Variants in PSMD7 observed in about 807,000 individuals in gnomAD.
PSMD7 encodes the protein 26S proteasome non-ATPase regulatory subunit 7.
A neutral mutation model predicts 36.4 loss-of-function variants in PSMD7; 13 were observed. The ratio of observed to expected loss-of-function variants is 0.36; its 90% confidence interval spans 0.23 to 0.57. The LOEUF (loss-of-function observed/expected upper bound fraction) is 0.57, where lower values mean the gene tolerates loss of function less well. Among genes scored for constraint, PSMD7 ranks in the 20% least tolerant of loss-of-function variants. The probability of loss-of-function intolerance (pLI) is 0.83; values close to 1 mark genes in which losing one functional copy is unlikely to be tolerated. For synonymous variants in PSMD7, 186 were observed against 151.0 expected (o/e 1.23, Z -1.70); for missense variants, 298 against 393.6 (o/e 0.76, Z 2.06).
In PSMD7 at chr16:74,301,865, C is replaced by T. The variant is rs143825830; in HGVS notation, c.357+213C>T. ...TGCTAAGTACCAGGTGTATGAGTTT[C>T]GTAATCCTCTCGGTAACTGTATATC... is the stretch of plus-strand genomic sequence containing the variant. On this transcript the variant is annotated intron_variant, in intron 4 of 6. Coordinates refer to ENST00000219313, the MANE Select transcript of PSMD7 (RefSeq NM_002811.5). Among the ~76,000 whole-genome samples the T allele has an allele frequency of 4.2e-3, 644 of 152,072 alleles. 5 individuals are homozygous for T. The highest frequency in any genetic ancestry group is 0.015 in the African/African-American group (611 of 41,460).
chr16:74,299,680 C>G, intron 1 of PSMD7: 1 of 401,404 alleles, frequency 2.5e-6, no homozygotes, highest in Non-Finnish European at 5.2e-6. Context: ...AGGCATGAGC[C>G]ACTGCATCCG....
rs149640570 is a variant in PSMD7 at position 74,302,253 on chromosome 16, G to C, written c.399G>C (p.Leu133=). The C allele has an allele frequency of 1.8e-5, 29 of 1,614,088 alleles. No individual in the cohort carries two copies. In the Middle Eastern group the frequency reaches 9.9e-4, roughly 55 times the overall value. ...IIDVKPKDLG[L]PTEAYISVEE... is the part of the protein sequence containing the mutation. ...ATGTGAAGCCGAAGGACCTAGGGCTGCCTACAGAAGCGTACATTTCAGTGG... is the reference window on the plus strand; with the variant it reads ...ATGTGAAGCCGAAGGACCTAGGGCTCCCTACAGAAGCGTACATTTCAGTGG... The change falls in exon 5 of 7, where the codon CTG becomes CTC. Residue 133 remains leucine, a synonymous_variant. Coordinates refer to ENST00000219313, the MANE Select transcript of PSMD7 (RefSeq NM_002811.5).
chr16:74,299,854 G>A (rs1473123165), intron 1 of PSMD7: 1 of 525,824 alleles, frequency 1.9e-6, no homozygotes. Flanking sequence ...TTAAATTTCT[G>A]TGAAGTTTGA....
At chr16:74,301,306 T>G (rs17336700) in intron 3 of PSMD7, among the ~76,000 whole-genome samples, 162 bp downstream of exon 3, 1 of 151,872 alleles carries the variant, frequency 6.6e-6, no homozygotes, top group Admixed American at 6.6e-5. Flanking sequence ...AAAACTAGAG[T>G]AGCAATTTAA....
At position 74,300,972 on chromosome 16, in the gene PSMD7, T is replaced by C. The variant is rs189790319; in HGVS notation, c.167-80T>C. 22 of 766,424 alleles carry C rather than the reference T, an allele frequency of 2.9e-5. 1 individual carries two copies. Among genetic ancestry groups the C allele is most frequent in the African/African-American group, 2.9e-4 (16 of 56,128 alleles). 47.5% of individuals were successfully genotyped at this position (766,424 alleles called of 1,614,324 possible). On this transcript the variant is annotated intron_variant, in intron 2 of 6. Coordinates refer to ENST00000219313, the MANE Select transcript of PSMD7 (RefSeq NM_002811.5). ...GTGAAACACGTAAGTGAATCAGAAC[T>C]GGCCTAGGGGTCTTCAATTGTGACC...
intron 5 of PSMD7, among the ~76,000 whole-genome samples, 194 bp downstream of exon 5, chr16:74,302,486 C>T (rs560117681): frequency 1.3e-5 from 2 of 152,200 alleles, no homozygotes; most frequent in East Asian, 3.9e-4. Context: ...CAACCAGGCA[C>T]AGTGGCTCAC....
chr16:74,304,034 T>A, intron 5 of PSMD7: 1 of 327,098 alleles, frequency 3.1e-6, no homozygotes, highest in South Asian at 3.9e-5. Context: ...TCCCTGTGCG[T>A]TCATGCCAAG....
intron 6 of PSMD7, 42 bp from the exon 7 acceptor site, chr16:74,305,247 C>T: frequency 6.4e-7 from 1 of 1,560,128 alleles, no homozygotes; most frequent in Middle Eastern, 1.7e-4. Context: ...ACATGGTACC[C>T]TGATGCCTTT....
chr16:74,303,575 A>T (rs945599966), intron 5 of PSMD7, among the ~76,000 whole-genome samples: 1 of 152,156 alleles, frequency 6.6e-6, no homozygotes, highest in African/African-American at 2.4e-5. Flanking sequence ...AATTCAGACC[A>T]CCAGAAAGCC....
intron 6 of PSMD7, chr16:74,304,855 T>G (rs2034183086): frequency 1.2e-5 from 2 of 170,426 alleles, no homozygotes; most frequent in Non-Finnish European, 2.5e-5. Flanking sequence ...TTCCTTCTAG[T>G]TCTAAAAATT....
intron 1 of PSMD7, chr16:74,299,617 C>T (rs2034140466): frequency 2.2e-6 from 1 of 452,108 alleles, no homozygotes; most frequent in Non-Finnish European, 4.4e-6. Context: ...TCGTCTCAAA[C>T]TCCTGAGCTC....
chr16:74,299,583 C>T (rs781593348), intron 1 of PSMD7: 1 of 455,004 alleles, frequency 2.2e-6, no homozygotes, highest in South Asian at 1.6e-5. Context: ...CAGGGTTTCG[C>T]CATGTTGCCC....
At chr16:74,303,954 T>C (rs993389970) in intron 5 of PSMD7, 1 of 161,456 alleles carries the variant, frequency 6.2e-6, no homozygotes, top group Non-Finnish European at 1.4e-5. Flanking sequence ...ATTCTTGGCG[T>C]ACCAAAGTGC....
intron 1 of PSMD7, among the ~76,000 whole-genome samples, chr16:74,298,612 T>C (rs1265297659): frequency 6.6e-6 from 1 of 152,068 alleles, no homozygotes; most frequent in East Asian, 1.9e-4. Context: ...CCTATAATCC[T>C]AGCACTTTCG....
At chr16:74,300,015 A>C in intron 1 of PSMD7, 100 bp from the exon 2 acceptor site, 1 of 1,059,780 alleles carries the variant, frequency 9.4e-7, no homozygotes, top group Non-Finnish European at 1.5e-6. Flanking sequence ...GGTAAACTAA[A>C]TTGTATCTGT....
intron 1 of PSMD7, among the ~76,000 whole-genome samples, chr16:74,297,990 C>T (rs1407144209): frequency 3.9e-5 from 6 of 151,934 alleles, no homozygotes; most frequent in African/African-American, 1.2e-4. Flanking sequence ...GATGAGGTTT[C>T]AGTTTTTATT....
At chr16:74,297,310 G>T (rs1411850754) in intron 1 of PSMD7, among the ~76,000 whole-genome samples, 1 of 152,186 alleles carries the variant, frequency 6.6e-6, no homozygotes, top group Non-Finnish European at 1.5e-5. Context: ...CGGGAGATGC[G>T]GCTAGCTTTA....
rs1420417825 is a variant in PSMD7 at position 74,306,164 on chromosome 16, TTC to T, written c.*433_*434del. The T allele has an allele frequency of 6.5e-6, 1 of 153,842 alleles. No homozygotes were observed. Among genetic ancestry groups the T allele is most frequent in the Admixed American group, 6.5e-5 (1 of 15,364 alleles). The allele number at this position is 153,842 out of a possible 1,614,324, so 9.5% of individuals were successfully genotyped here. A position where few individuals can be genotyped will look rare whatever the true frequency, so the allele number is the denominator to read the frequency against. On this transcript the variant is annotated 3_prime_UTR_variant, in exon 7 of 7. Transcript: ENST00000219313. Reference sequence around the variant, plus strand: ...CTGGTAACACGTAGAGTTCAGACCCTTCTGAACTCTGTTGATAATACCACACC... The same window carrying T: ...CTGGTAACACGTAGAGTTCAGACCCTTGAACTCTGTTGATAATACCACACC...
In PSMD7 at chr16:74,305,326, C is replaced by A. The variant is rs778143399; in HGVS notation, c.568C>A (p.Arg190=). Residue 190 remains arginine, a synonymous_variant, in exon 7 of 7, where the codon CGG becomes AGG. Coordinates refer to ENST00000219313, the MANE Select transcript of PSMD7 (RefSeq NM_002811.5). ...KDTTVGTLSQ[R]ITNQVHGLKG... ...CACGACGGTGGGCACTCTGTCCCAG[C>A]GGATCACAAACCAGGTCCATGGTTT... 1 of 1,613,452 alleles carries A rather than the reference C, an allele frequency of 6.2e-7. No homozygotes were observed. The highest frequency in any genetic ancestry group is 8.5e-7 in the Non-Finnish European group (1 of 1,179,810).
Sources: gnomAD v4.1 joint callset for allele counts (sites outside exome capture counted in the v4.1 genomes callset) on GRCh38, gnomAD v4.1.1 for gene constraint, MANE v1.5 for transcripts, NCBI Gene and HGNC (gene_info 2026-07-23, HGNC 2026-07-21) for gene names.